MACROD2: variants seen among roughly 807,000 people sequenced by gnomAD.
MACROD2 encodes mono-ADP ribosylhydrolase 2.
Under a neutral mutation model 70.4 loss-of-function variants are expected in MACROD2, and 36 were observed. That is an observed-to-expected ratio of 0.51 (90% CI 0.39 to 0.68). The LOEUF (loss-of-function observed/expected upper bound fraction) is 0.68. MACROD2 is among the 30% of genes least tolerant of loss of function. The probability of loss-of-function intolerance (pLI) is 0.00; values close to 1 mark genes in which losing one functional copy is unlikely to be tolerated. For synonymous variants in MACROD2, 172 were observed against 178.8 expected (o/e 0.96, Z 0.30); for missense variants, 496 against 538.4 (o/e 0.92, Z 0.78).
At chr20:14,777,196 G>C (rs903331237) in intron 5 of MACROD2, among the ~76,000 whole-genome samples, 2 of 152,042 alleles carry the variant, frequency 1.3e-5, no homozygotes, top group African/African-American at 4.8e-5. Context: ...CTAGGTCATA[G>C]TATGCATATG....
intron 3 of MACROD2, among the ~76,000 whole-genome samples, chr20:14,400,095 A>G (rs1038077516): frequency 6.6e-6 from 1 of 152,054 alleles, no homozygotes; most frequent in African/African-American, 2.4e-5. Flanking sequence ...TTGTCTTAGT[A>G]AGCATTGTAA....
intron 6 of MACROD2, among the ~76,000 whole-genome samples, chr20:15,353,580 G>C (rs571665293): frequency 2.0e-5 from 3 of 151,662 alleles, no homozygotes; most frequent in Admixed American, 6.6e-5. Flanking sequence ...TACAAAATGG[G>C]AGAAAATTTT....
At chr20:14,307,732 A>G (rs1015283632) in intron 3 of MACROD2, among the ~76,000 whole-genome samples, 4 of 152,058 alleles carry the variant, frequency 2.6e-5, no homozygotes, top group East Asian at 3.9e-4. Flanking sequence ...AATCTTTTGG[A>G]AAAAAAAGCA....
intron 6 of MACROD2, among the ~76,000 whole-genome samples, chr20:15,305,557 T>C (rs1280486416): frequency 6.6e-6 from 1 of 152,128 alleles, no homozygotes; most frequent in African/African-American, 2.4e-5. Flanking sequence ...CAGCCTGACA[T>C]GGGCCTCTGG....
intron 5 of MACROD2, among the ~76,000 whole-genome samples, chr20:15,112,530 G>A (rs73096075): frequency 0.21 from 32,497 of 151,308 alleles, 4,758 homozygotes; most frequent in Non-Finnish European, 0.32. Context: ...TGTTAAGAAA[G>A]AAAAAAATGC....
rs958729907 is a variant in MACROD2 at position 14,541,938 on chromosome 20, C to G, written c.301+48430C>G. ...ACAAGTCATCAAATGGCATGAAACT[C>G]AAAACTACAGAATGTAATCTGGGAG... On this transcript the variant is annotated intron_variant, in intron 4 of 17. Coordinates refer to ENST00000684519, the MANE Select transcript of MACROD2 (RefSeq NM_001351661.2). 5.3e-5 allele frequency among the ~76,000 whole-genome samples: 8 copies of G among 152,112 alleles called. 1 individual carries two copies. Among genetic ancestry groups the G allele is most frequent in the African/African-American group, 1.9e-4 (8 of 41,414 alleles).
intron 6 of MACROD2, among the ~76,000 whole-genome samples, chr20:15,413,994 A>C (rs1035375713): frequency 3.9e-5 from 6 of 152,186 alleles, no homozygotes; most frequent in African/African-American, 1.4e-4. Context: ...CAAGTAACCG[A>C]AGTCAAATGG....
chr20:14,277,277 G>C (rs1381559767), intron 3 of MACROD2, among the ~76,000 whole-genome samples: 1 of 152,034 alleles, frequency 6.6e-6, no homozygotes, highest in East Asian at 1.9e-4. Context: ...GTGAAACCCC[G>C]TCTCTACTAA....
chr20:14,574,790 T>C (rs1980463236), intron 4 of MACROD2, among the ~76,000 whole-genome samples: 1 of 150,012 alleles, frequency 6.7e-6, no homozygotes, highest in South Asian at 2.1e-4. Flanking sequence ...GGCGGGTGGA[T>C]CATGAGGTCA....
At chr20:16,045,582 C>CA (rs1418949885) in intron 17 of MACROD2, among the ~76,000 whole-genome samples, 1 of 151,964 alleles carries the variant, frequency 6.6e-6, no homozygotes, top group East Asian at 1.9e-4. Context: ...AGCAAGGGTT[C>CA]AAGGGGGAGT....
chr20:16,031,569 T>G (rs2067152073), intron 15 of MACROD2, among the ~76,000 whole-genome samples: 1 of 152,110 alleles, frequency 6.6e-6, no homozygotes, highest in Non-Finnish European at 1.5e-5. Context: ...TAGAAACACA[T>G]CAGAAGTCCA....
chr20:14,538,720 G>A (rs924070267), intron 4 of MACROD2, among the ~76,000 whole-genome samples: 2 of 152,140 alleles, frequency 1.3e-5, no homozygotes, highest in African/African-American at 2.4e-5. Flanking sequence ...CTGTCCTCTT[G>A]TTATCCTTCA....
intron 4 of MACROD2, among the ~76,000 whole-genome samples, chr20:14,577,794 A>AAAGAGAAAAGAAGAGAAGAGAAGAG (rs1980698635): frequency 7.3e-6 from 1 of 137,728 alleles, no homozygotes; most frequent in African/African-American, 2.6e-5. Flanking sequence ...AAAGAAAAGG[A>AAAGAGAAAAGAAGAGAAGAGAAGAG]AAGAGAAGAG....
At chr20:15,035,397 T>C (rs983602797) in intron 5 of MACROD2, among the ~76,000 whole-genome samples, 8 of 149,836 alleles carry the variant, frequency 5.3e-5, no homozygotes, top group Middle Eastern at 3.4e-3. Flanking sequence ...GAGTGAGACC[T>C]TGTCTCCAAA....
chr20:15,869,210 CAT>C lies in MACROD2; in HGVS notation c.727+6412_727+6413del, dbSNP rs778142501. On this transcript the variant is annotated intron_variant, in intron 9 of 17. Coordinates refer to ENST00000684519, the MANE Select transcript of MACROD2 (RefSeq NM_001351661.2). ...GTCAACTTTACTTAAATGTGATTAACATATATATATATATATATATATATATA... is the reference window on the plus strand; with the variant it reads ...GTCAACTTTACTTAAATGTGATTAACATATATATATATATATATATATATA... Among the ~76,000 whole-genome samples, 353 of 51,904 alleles carry C rather than the reference CAT, an allele frequency of 6.8e-3. 7 individuals are homozygous for C. Among genetic ancestry groups the C allele is most frequent in the East Asian group, 0.057 (119 of 2,080 alleles). 34.1% of individuals were successfully genotyped at this position (51,904 alleles called of 152,430 possible).
chr20:14,796,180 G>T (rs767516079), intron 5 of MACROD2, among the ~76,000 whole-genome samples: 8 of 152,092 alleles, frequency 5.3e-5, no homozygotes, highest in Non-Finnish European at 8.8e-5. Context: ...AATATTTGAT[G>T]TAAGTGGCTC....
At chr20:15,465,447 A>T (rs2046872793) in intron 7 of MACROD2, among the ~76,000 whole-genome samples, 1 of 152,270 alleles carries the variant, frequency 6.6e-6, no homozygotes, top group Non-Finnish European at 1.5e-5. Flanking sequence ...TCCTGGCTTC[A>T]GCAAGGTTCT....
At chr20:15,625,449 TA>T (rs2146739121) in intron 8 of MACROD2, among the ~76,000 whole-genome samples, 1 of 152,286 alleles carries the variant, frequency 6.6e-6, no homozygotes, top group Admixed American at 6.5e-5. Flanking sequence ...CATGGAAAAC[TA>T]TTTCTATAAC....
At chr20:14,882,131 C>A (rs1337356557) in intron 5 of MACROD2, among the ~76,000 whole-genome samples, 2 of 152,190 alleles carry the variant, frequency 1.3e-5, no homozygotes, top group Admixed American at 6.5e-5. Flanking sequence ...CCTTATCCCA[C>A]AAATTTTGAG....
Sources: allele counts gnomAD v4.1 joint callset (sites outside exome capture counted in the v4.1 genomes callset), GRCh38; gene constraint gnomAD v4.1.1; transcripts MANE v1.5; gene names NCBI Gene and HGNC (gene_info 2026-07-23, HGNC 2026-07-21).